The following SCN9A variants were observed in gnomAD, a reference collection of about 807,000 sequenced individuals.
SCN9A encodes the protein sodium channel protein type 9 subunit alpha.
Under a neutral mutation model 187.0 loss-of-function variants are expected in SCN9A, and 131 were observed. The observed-to-expected ratio is 0.70, with a 90% CI of 0.61 to 0.81. The LOEUF (loss-of-function observed/expected upper bound fraction) is 0.81. SCN9A is among the 30% of genes least tolerant of loss of function. SCN9A has a pLI of 0.00. For missense variants in SCN9A, 2,252 were observed against 2,396.6 expected (o/e 0.94, Z 1.26); for synonymous variants, 809 against 808.6 (o/e 1.00, Z -0.01).
intron 3 of SCN9A, among the ~76,000 whole-genome samples, 176 bp downstream of exon 3, chr2:166,306,780 T>C (rs917166519): frequency 6.6e-6 from 1 of 152,144 alleles, no homozygotes; most frequent in African/African-American, 2.4e-5. Flanking sequence ...AATCTTAATA[T>C]TGCCACTCTC....
At chr2:166,303,342 C>CCT in intron 6 of SCN9A, 40 bp from the exon 7 acceptor site, 1 of 1,512,550 alleles carries the variant, frequency 6.6e-7, no homozygotes, top group South Asian at 1.2e-5. Context: ...TGACATAAAG[C>CCT]CTCTGAATCG....
rs545431594 is a variant in SCN9A at position 166,322,249 on chromosome 2, C to T, written c.-50-10443G>A. On this transcript the variant is annotated intron_variant, in intron 1 of 26. Coordinates refer to ENST00000642356, the MANE Select transcript of SCN9A (RefSeq NM_001365536.1). ...TTTGTAAAATCTTTAATATACAGCT[C>T]GATTTCCATTTGATCCAATGTAAAA... Among the ~76,000 whole-genome samples, 14 of 152,214 alleles carry T rather than the reference C, an allele frequency of 9.2e-5. No homozygotes were observed. In the East Asian group the frequency reaches 1.7e-3, roughly 19 times the overall value.
chr2:166,230,601 C>T (rs1456973325), intron 21 of SCN9A, among the ~76,000 whole-genome samples: 2 of 152,128 alleles, frequency 1.3e-5, no homozygotes, highest in African/African-American at 4.8e-5. Flanking sequence ...GCTTACTCTT[C>T]AGTCATGAAA....
chr2:166,271,903 C>T (rs961755489), intron 17 of SCN9A, among the ~76,000 whole-genome samples: 6 of 151,816 alleles, frequency 4.0e-5, no homozygotes, highest in African/African-American at 7.3e-5. Context: ...CGATACTTTG[C>T]GGATCATGGA....
chr2:166,209,590 C>T (rs1038278554), intron 24 of SCN9A, among the ~76,000 whole-genome samples: 2 of 127,332 alleles, frequency 1.6e-5, no homozygotes, highest in Non-Finnish European at 3.2e-5. Context: ...CTTGATCAAA[C>T]TGGAGAAAGA....
chr2:166,247,111 T>G (rs1695821482), intron 18 of SCN9A, among the ~76,000 whole-genome samples: 1 of 133,304 alleles, frequency 7.5e-6, no homozygotes. Context: ...TCATGGTGCA[T>G]TACATAAAGT....
chr2:166,238,413 G>A (rs1253301169), intron 19 of SCN9A, 146 bp from the exon 20 acceptor site: 17 of 619,610 alleles, frequency 2.7e-5, no homozygotes, highest in Middle Eastern at 4.3e-4. Flanking sequence ...CTGGTTTACA[G>A]TTATCATATA....
intron 17 of SCN9A, among the ~76,000 whole-genome samples, chr2:166,263,507 G>A (rs1293671547): frequency 6.6e-6 from 1 of 151,874 alleles, no homozygotes; most frequent in Non-Finnish European, 1.5e-5. Flanking sequence ...TCAAATTTAT[G>A]ATGCCACCAA....
At chr2:166,265,038 C>T (rs1209823060) in intron 17 of SCN9A, among the ~76,000 whole-genome samples, 1 of 151,930 alleles carries the variant, frequency 6.6e-6, no homozygotes, top group Non-Finnish European at 1.5e-5. Context: ...AGATCCATAG[C>T]TTTGAACATT....
intron 1 of SCN9A, among the ~76,000 whole-genome samples, chr2:166,335,735 A>G (rs1162983118): frequency 6.6e-6 from 1 of 152,110 alleles, no homozygotes; most frequent in Non-Finnish European, 1.5e-5. Flanking sequence ...AAACATGGCC[A>G]CTGGAATGAG....
At position 166,256,585 on chromosome 2, in the gene SCN9A, C is replaced by T. The variant is rs554233206; in HGVS notation, c.3352-4700G>A. On this transcript the variant is annotated intron_variant, in intron 17 of 26. Transcript: ENST00000642356. ...TTGCAATAAATTCTGGGCTCACATT[C>T]TAATTATGGGCAACTAAAACTTTAG... Among the ~76,000 whole-genome samples, 4 of 151,478 alleles carry T rather than the reference C, an allele frequency of 2.6e-5. No homozygotes were observed. In the South Asian group the frequency reaches 6.2e-4, roughly 24 times the overall value.
chr2:166,251,495 CG>C (rs1696034663), intron 18 of SCN9A, among the ~76,000 whole-genome samples: 1 of 151,946 alleles, frequency 6.6e-6, no homozygotes, highest in Non-Finnish European at 1.5e-5. Context: ...TCTGGGAATA[CG>C]AATTAAGGCT....
In SCN9A at chr2:166,281,718, C is replaced by T; in HGVS notation, c.2065G>A (p.Ala689Thr). 6.2e-7 allele frequency: 1 copy of T among 1,613,300 alleles called. No individual in the cohort carries two copies. Among genetic ancestry groups the T allele is most frequent in the Non-Finnish European group, 8.5e-7 (1 of 1,179,526 alleles). The stretch of plus-strand genomic sequence containing the variant: ...GTTAATATGCTTGCTCTACTCATTG[C>T]TCTCTGTCTGAGGTTGGGATCATTC... ...MLNDPNLRQR[A>T]MSRASILTNT... The change falls in exon 13 of 27, where the codon GCA (alanine) becomes ACA (threonine). Residue 689 changes from alanine to threonine, a missense_variant. Ala to Thr is a moderately conservative substitution (Grantham distance 58). Transcript: ENST00000642356.
intron 1 of SCN9A, among the ~76,000 whole-genome samples, chr2:166,341,424 G>C (rs1256940834): frequency 3.9e-5 from 6 of 152,234 alleles, no homozygotes; most frequent in Non-Finnish European, 8.8e-5. Context: ...GTCAGGCTTT[G>C]AGCTTTGAGT....
intron 24 of SCN9A, among the ~76,000 whole-genome samples, chr2:166,222,959 A>AAAAAAAAAAAAAAAAAAAAAAAAAAC (rs1558960927): frequency 6.8e-6 from 1 of 146,910 alleles, no homozygotes; most frequent in Non-Finnish European, 1.5e-5. Flanking sequence ...AAAAAAAAAA[A>AAAAAAAAAAAAAAAAAAAAAAAAAAC]AAAAAAAAAA....
At chr2:166,220,704 A>G (rs1558959225) in intron 24 of SCN9A, among the ~76,000 whole-genome samples, 1 of 152,172 alleles carries the variant, frequency 6.6e-6, no homozygotes, top group Non-Finnish European at 1.5e-5. Context: ...TCCCACAGCT[A>G]ACATCGTATT....
intron 20 of SCN9A, among the ~76,000 whole-genome samples, chr2:166,235,891 T>A (rs1695297650): frequency 6.6e-6 from 1 of 152,130 alleles, no homozygotes; most frequent in Non-Finnish European, 1.5e-5. Flanking sequence ...CTGAGAATCA[T>A]CACTTTAAAT....
intron 1 of SCN9A, among the ~76,000 whole-genome samples, chr2:166,340,602 CTTTTTCTTTCTTTCTT>C (rs1699758556): frequency 2.5e-5 from 1 of 40,212 alleles, no homozygotes; most frequent in Non-Finnish European, 4.7e-5. Flanking sequence ...TTCTTTCTTT[CTTTTTCTTTCTTTCTT>C]TCCTTTCTCT....
chr2:166,254,983 A>C (rs772195487), intron 17 of SCN9A, among the ~76,000 whole-genome samples: 5 of 151,464 alleles, frequency 3.3e-5, no homozygotes, highest in Non-Finnish European at 5.9e-5. Context: ...AAGTGTTTTA[A>C]AAATATGAAA....
Sources: allele counts gnomAD v4.1 joint callset (sites outside exome capture counted in the v4.1 genomes callset), GRCh38; gene constraint gnomAD v4.1.1; transcripts MANE v1.5; gene names NCBI Gene and HGNC (gene_info 2026-07-23, HGNC 2026-07-21).